PCDH15: variants seen among roughly 807,000 people sequenced by gnomAD.
The protein encoded by PCDH15 is protocadherin-15.
PCDH15 carries 129 observed loss-of-function variants against 178.5 expected under a neutral mutation model. The observed-to-expected ratio is 0.72, with a 90% CI of 0.63 to 0.84. The LOEUF (loss-of-function observed/expected upper bound fraction) is 0.84, where lower values mean the gene tolerates loss of function less well. PCDH15 is among the 40% of genes least tolerant of loss of function. The probability of loss-of-function intolerance (pLI) is 0.00; values close to 1 mark genes in which losing one functional copy is unlikely to be tolerated. For synonymous variants in PCDH15, 800 were observed against 732.0 expected (o/e 1.09, Z -1.50); for missense variants, 2,230 against 2,099.9 (o/e 1.06, Z -1.21).
chr10:55,052,665 G>A (rs1591861488), intron 2 of PCDH15, among the ~76,000 whole-genome samples: 1 of 151,152 alleles, frequency 6.6e-6, no homozygotes, highest in African/African-American at 2.4e-5. Context: ...GTGGTGAGCC[G>A]AGATCGTGCC....
At chr10:55,391,023 C>T (rs896782927) in intron 2 of PCDH15, among the ~76,000 whole-genome samples, 6 of 152,176 alleles carry the variant, frequency 3.9e-5, no homozygotes, top group Non-Finnish European at 5.9e-5. Context: ...GAAAGTCAGC[C>T]TATCCTTTGA....
chr10:54,095,422 T>C (rs2094683839), intron 15 of PCDH15, among the ~76,000 whole-genome samples: 1 of 151,794 alleles, frequency 6.6e-6, no homozygotes, highest in South Asian at 2.1e-4. Context: ...TTCCAAACAA[T>C]ATAAAATGAA....
chr10:54,442,435 T>TGTATATATATATATATAC (rs1565287946), intron 3 of PCDH15, among the ~76,000 whole-genome samples: 1 of 117,476 alleles, frequency 8.5e-6, no homozygotes, highest in African/African-American at 3.8e-5. Context: ...TATATATATA[T>TGTATATATATATATATAC]ATATATATAT....
intron 13 of PCDH15, among the ~76,000 whole-genome samples, chr10:54,159,337 A>G (rs561720358): frequency 2.0e-5 from 3 of 152,138 alleles, no homozygotes; most frequent in South Asian, 2.1e-4. Context: ...CTAGGGCTAA[A>G]CTGGTAAATT....
At chr10:55,033,345 T>C (rs1217712976) in intron 2 of PCDH15, among the ~76,000 whole-genome samples, 1 of 152,128 alleles carries the variant, frequency 6.6e-6, no homozygotes, top group Non-Finnish European at 1.5e-5. Context: ...TGAAGGGAGC[T>C]GTACCCAGCA....
intron 10 of PCDH15, among the ~76,000 whole-genome samples, chr10:54,201,415 TATA>T (rs1230972787): frequency 6.6e-6 from 1 of 151,800 alleles, no homozygotes; most frequent in African/African-American, 2.4e-5. Flanking sequence ...TTTCTATATT[TATA>T]ATATGTAAAA....
At chr10:54,350,991 C>A (rs1391929913) in intron 5 of PCDH15, among the ~76,000 whole-genome samples, 1 of 152,032 alleles carries the variant, frequency 6.6e-6, no homozygotes, top group Non-Finnish European at 1.5e-5. Flanking sequence ...GTAGTCCCAG[C>A]TACTCAGGAG....
At chr10:55,404,293 T>C (rs1838145297) in intron 2 of PCDH15, among the ~76,000 whole-genome samples, 2 of 152,032 alleles carry the variant, frequency 1.3e-5, no homozygotes, top group South Asian at 4.1e-4. Flanking sequence ...AAGAACAACG[T>C]TGCACACCAG....
At chr10:54,533,434 C>A (rs879807926) in intron 2 of PCDH15, among the ~76,000 whole-genome samples, 1 of 151,664 alleles carries the variant, frequency 6.6e-6, no homozygotes, top group African/African-American at 2.4e-5. Flanking sequence ...TTATTTGGAA[C>A]AAGTTATGAA....
chr10:54,535,202 CATT>C (rs2084344039), intron 2 of PCDH15, among the ~76,000 whole-genome samples: 1 of 152,202 alleles, frequency 6.6e-6, no homozygotes, highest in African/African-American at 2.4e-5. Flanking sequence ...TTTAAAACAA[CATT>C]GTCTAGTAAT....
chr10:54,268,227 C>T (rs371115677), intron 8 of PCDH15, among the ~76,000 whole-genome samples: 2 of 151,680 alleles, frequency 1.3e-5, no homozygotes, highest in East Asian at 3.9e-4. Context: ...TAACCATATT[C>T]AGAAGAATGA....
At chr10:54,925,762 A>G (rs1450382435) in intron 2 of PCDH15, among the ~76,000 whole-genome samples, 1 of 152,128 alleles carries the variant, frequency 6.6e-6, no homozygotes, top group African/African-American at 2.4e-5. Context: ...GATGATGTAT[A>G]GACATGTTAG....
At chr10:54,804,630 G>A (rs1240864711), upstream of PCDH15, among the ~76,000 whole-genome samples, 3 of 151,592 alleles carry the variant, frequency 2.0e-5, no homozygotes, top group South Asian at 4.2e-4. Context: ...TATATTCTGT[G>A]TTTTATTCTA....
intron 3 of PCDH15, among the ~76,000 whole-genome samples, chr10:54,409,984 C>A (rs1953252176): frequency 6.6e-6 from 1 of 152,046 alleles, no homozygotes; most frequent in African/African-American, 2.4e-5. Context: ...TATTAATTAC[C>A]CAGTCCACAG....
chr10:55,205,134 A>C (rs1840361785), intron 1 of PCDH15, among the ~76,000 whole-genome samples: 1 of 152,076 alleles, frequency 6.6e-6, no homozygotes, highest in African/African-American at 2.4e-5. Context: ...AATTAGTATG[A>C]TAGAGAAGTG....
intron 3 of PCDH15, chr10:54,864,571 A>T (rs893642599): frequency 1.7e-4 from 26 of 152,170 alleles, no homozygotes; most frequent in Admixed American, 1.6e-3. Flanking sequence ...ATTATATAAT[A>T]TTGTCTATGG....
chr10:55,294,616 A>G (rs1843089042), intron 1 of PCDH15, among the ~76,000 whole-genome samples: 1 of 152,182 alleles, frequency 6.6e-6, no homozygotes, highest in Admixed American at 6.5e-5. Flanking sequence ...TGCTCATTAA[A>G]TGTCCTGTTC....
At chr10:54,629,519 G>A (rs1207681325) in intron 2 of PCDH15, among the ~76,000 whole-genome samples, 5 of 152,030 alleles carry the variant, frequency 3.3e-5, no homozygotes, top group African/African-American at 1.2e-4. Context: ...AACAGACTCA[G>A]ATAAATCTTT....
At chr10:53,823,962 GT>G (rs1335619437) in intron 32 of PCDH15, among the ~76,000 whole-genome samples, 2 of 152,046 alleles carry the variant, frequency 1.3e-5, no homozygotes, top group Non-Finnish European at 2.9e-5. Flanking sequence ...TGACAGAGGA[GT>G]TTTTCTTCTG....
Sources: gnomAD v4.1 joint callset for allele counts (sites outside exome capture counted in the v4.1 genomes callset) on GRCh38, gnomAD v4.1.1 for gene constraint, MANE v1.5 for transcripts, NCBI Gene and HGNC (gene_info 2026-07-23, HGNC 2026-07-21) for gene names.